Variants in SLC6A11 observed in about 807,000 individuals in gnomAD.
SLC6A11 encodes solute carrier family 6 member 11.
Under a neutral mutation model 74.8 loss-of-function variants are expected in SLC6A11, and 25 were observed. The observed-to-expected ratio is 0.33, with a 90% CI of 0.24 to 0.47. The LOEUF (loss-of-function observed/expected upper bound fraction) is 0.47, where lower values mean the gene tolerates loss of function less well. Among genes scored for constraint, SLC6A11 ranks in the 20% least tolerant of loss-of-function variants. SLC6A11 has a pLI of 1.00. For synonymous variants in SLC6A11, 330 were observed against 330.2 expected, an observed-to-expected ratio of 1.00 and a Z score of 0.01; for missense variants, 574 against 837.0, an observed-to-expected ratio of 0.69 and a Z score of 3.88.
At chr3:10,835,392 C>G (rs578238719) in intron 4 of SLC6A11, among the ~76,000 whole-genome samples, 1 of 152,184 alleles carries the variant, frequency 6.6e-6, no homozygotes, top group Non-Finnish European at 1.5e-5. Flanking sequence ...GTTATGAACC[C>G]GTGATGGATT....
At chr3:10,835,348 G>A (rs1011572287) in intron 4 of SLC6A11, among the ~76,000 whole-genome samples, 12 of 152,188 alleles carry the variant, frequency 7.9e-5, no homozygotes, top group Non-Finnish European at 1.5e-4. Flanking sequence ...TTCCCACCAC[G>A]TGGGATCCAC....
Position 10,938,295 on chromosome 3 carries a change from G to A in SLC6A11, c.1792G>A (p.Gly598Ser). ...TTPSTDLKMR[G>S]KLGVSPRMVT... is the part of the protein sequence containing the mutation. Reference sequence around the variant, plus strand: ...CCCCAGCACAGATCTGAAAATGCGGGGCAAGCTTGGGGTGAGCCCACGGAT... The same window carrying A: ...CCCCAGCACAGATCTGAAAATGCGGAGCAAGCTTGGGGTGAGCCCACGGAT... Residue 598 changes from glycine to serine, a missense_variant, in exon 14 of 14, where the codon GGC (glycine) becomes AGC (serine). Gly to Ser is a moderately conservative substitution (Grantham distance 56). Around this residue, in one of 4 missense-constraint regions of SLC6A11, gnomAD observed 257 missense variants for 341.5 expected, o/e 0.75. Coordinates refer to ENST00000254488, the MANE Select transcript of SLC6A11 (RefSeq NM_014229.3). 1.2e-6 allele frequency: 2 copies of A among 1,612,176 alleles called. No individual in the cohort carries two copies. The highest frequency in any genetic ancestry group is 1.7e-6 in the Non-Finnish European group (2 of 1,178,590).
chr3:10,891,740 A>C (rs1343643811), intron 6 of SLC6A11, among the ~76,000 whole-genome samples: 2 of 152,186 alleles, frequency 1.3e-5, no homozygotes, highest in Admixed American at 6.5e-5. Flanking sequence ...TCCAGTTGAA[A>C]CATTTGCCAC....
At chr3:10,924,835 T>C (rs115514824) in intron 8 of SLC6A11, among the ~76,000 whole-genome samples, 3,053 of 152,270 alleles carry the variant, frequency 0.02, 119 homozygotes, top group African/African-American at 0.07. Flanking sequence ...ACTGACAATA[T>C]CAAGTGTTGA....
intron 6 of SLC6A11, among the ~76,000 whole-genome samples, chr3:10,889,731 T>A (rs1340784190): frequency 6.6e-6 from 1 of 152,186 alleles, no homozygotes; most frequent in African/African-American, 2.4e-5. Flanking sequence ...CATGAAAATT[T>A]GAGGAGCACT....
chr3:10,888,991 C>G (rs953128056), intron 6 of SLC6A11, among the ~76,000 whole-genome samples: 1 of 152,160 alleles, frequency 6.6e-6, no homozygotes, highest in Non-Finnish European at 1.5e-5. Flanking sequence ...GAGTAAGACA[C>G]ATTTCCTGTT....
At position 10,816,310 on chromosome 3, in the gene SLC6A11, T is replaced by TGAGGAGGCGCGGGAGTCC. The variant is rs1694055142; in HGVS notation, c.50_67dup (p.Glu17_Glu22dup). On this transcript the variant is annotated inframe_insertion, in exon 1 of 14. Coordinates refer to ENST00000254488, the MANE Select transcript of SLC6A11 (RefSeq NM_014229.3). This position sits in a 1 kb window ranked among gnomAD's most constrained non-coding sequence, Gnocchi z 4.2. ...TGCCCCTGGGCAATGGGAAGGCTGC[T>TGAGGAGGCGCGGGAGTCC]GAGGAGGCGCGGGAGTCCGAGGCGC... The TGAGGAGGCGCGGGAGTCC allele has an allele frequency of 7.1e-7, 1 of 1,407,762 alleles. No homozygotes were observed. Among genetic ancestry groups the TGAGGAGGCGCGGGAGTCC allele is most frequent in the Non-Finnish European group, 9.2e-7 (1 of 1,083,518 alleles). 87.2% of individuals were successfully genotyped at this position (1,407,762 alleles called of 1,614,324 possible). A position where few individuals can be genotyped will look rare whatever the true frequency, so the allele number is the denominator to read the frequency against.
intron 6 of SLC6A11, among the ~76,000 whole-genome samples, chr3:10,898,838 C>A (rs1464167489): frequency 1.3e-5 from 2 of 152,074 alleles, no homozygotes; most frequent in Non-Finnish European, 2.9e-5. Context: ...TGTATTAGTC[C>A]ATTTTCACGT....
chr3:10,818,000 C>T (rs1694085828), intron 1 of SLC6A11, among the ~76,000 whole-genome samples: 1 of 151,150 alleles, frequency 6.6e-6, no homozygotes, highest in Admixed American at 6.6e-5. Context: ...AATTGTTGTG[C>T]CAAAACAAAA....
Position 10,938,545 on chromosome 3 carries a change from C to T in SLC6A11, c.*143C>T. 1.3e-6 allele frequency: 1 copy of T among 778,872 alleles called. No homozygotes were observed. Among genetic ancestry groups the T allele is most frequent in the Non-Finnish European group, 2.0e-6 (1 of 508,526 alleles). 48.2% of individuals were successfully genotyped at this position (778,872 alleles called of 1,614,324 possible). A position where few individuals can be genotyped will look rare whatever the true frequency, so the allele number is the denominator to read the frequency against. On this transcript the variant is annotated 3_prime_UTR_variant, in exon 14 of 14. Transcript: ENST00000254488. ...TAACAAGTTAATTTTAAGGTGGCCA[C>T]TGTACACTGCTCTAAAGTCATATCC...
intron 5 of SLC6A11, among the ~76,000 whole-genome samples, chr3:10,871,349 A>G (rs1202852147): frequency 6.6e-6 from 1 of 152,176 alleles, no homozygotes; most frequent in Non-Finnish European, 1.5e-5. Context: ...TTTTCCTTAA[A>G]TTTTGCAAGC....
chr3:10,932,841 T>A (rs1294125643), intron 10 of SLC6A11, among the ~76,000 whole-genome samples: 1 of 152,092 alleles, frequency 6.6e-6, no homozygotes, highest in African/African-American at 2.4e-5. Flanking sequence ...GTTATACCCA[T>A]CCAGGGAGAG....
At chr3:10,867,131 T>A (rs1015622603) in intron 5 of SLC6A11, among the ~76,000 whole-genome samples, 5 of 152,312 alleles carry the variant, frequency 3.3e-5, no homozygotes, top group African/African-American at 1.2e-4. Flanking sequence ...TGGAAGGGGA[T>A]GCAGGGGAGA....
At chr3:10,905,121 T>C (rs1338320638) in intron 6 of SLC6A11, among the ~76,000 whole-genome samples, 1 of 152,228 alleles carries the variant, frequency 6.6e-6, no homozygotes, top group Non-Finnish European at 1.5e-5. Context: ...TTGTCTGTGC[T>C]TGTGGAATTT....
intron 4 of SLC6A11, chr3:10,823,742 C>T (rs1694167889): frequency 8.9e-6 from 2 of 223,880 alleles, no homozygotes; most frequent in Non-Finnish European, 1.8e-5. Context: ...GTGTATTTAG[C>T]CTGGAAAGCA....
At chr3:10,929,429 C>G in intron 10 of SLC6A11, 90 bp downstream of exon 10, 1 of 1,431,894 alleles carries the variant, frequency 7.0e-7, no homozygotes, top group Non-Finnish European at 9.7e-7. Flanking sequence ...TGACCCGGGT[C>G]AGGTCTAGTG....
rs1187509029 is a variant in SLC6A11 at position 10,875,035 on chromosome 3, G to A, written c.831G>A (p.Gly277=). 1 of 1,613,408 alleles carries A rather than the reference G, an allele frequency of 6.2e-7. No homozygotes were observed. The highest frequency in any genetic ancestry group is 8.5e-7 in the Non-Finnish European group (1 of 1,179,644). ...TGATACGAGGGGTCACGTTGCCCGGGGCCTCAGAGGGCATCAAGTTCTACT... is the reference window on the plus strand; with the variant it reads ...TGATACGAGGGGTCACGTTGCCCGGAGCCTCAGAGGGCATCAAGTTCTACT... The part of the protein sequence containing the change: ...ILLIRGVTLP[G]ASEGIKFYLY... The change falls in exon 6 of 14, where the codon GGG becomes GGA. Residue 277 remains glycine (G), a synonymous_variant. Transcript: ENST00000254488.
rs1056385959 is a variant in SLC6A11, at chr3:10,936,455, G to T, written c.1746+1256G>T. Among the ~76,000 whole-genome samples, 10 of 152,214 alleles carry T rather than the reference G, an allele frequency of 6.6e-5. 1 individual carries two copies. The highest frequency in any genetic ancestry group is 5.9e-4 in the Admixed American group (9 of 15,286). The stretch of plus-strand genomic sequence containing the variant: ...GGAGTTGAACTTGGCCACCCAGGAG[G>T]CGATGGGGAGTGGGGGTATGCAGAG... On this transcript the variant is annotated intron_variant, in intron 13 of 13. Coordinates refer to ENST00000254488, the MANE Select transcript of SLC6A11 (RefSeq NM_014229.3).
intron 6 of SLC6A11, among the ~76,000 whole-genome samples, chr3:10,907,298 T>G (rs531348454): frequency 6.6e-5 from 10 of 151,534 alleles, no homozygotes; most frequent in Non-Finnish European, 1.0e-4. Flanking sequence ...ATGGATGATA[T>G]GACAAAGCAA....
Sources: gnomAD v4.1 joint callset for allele counts (sites outside exome capture counted in the v4.1 genomes callset) on GRCh38, gnomAD v4.1.1 for gene constraint, gnomAD v4.1.1 regional missense constraint, Gnocchi (gnomAD v3.1) non-coding constraint, MANE v1.5 for transcripts, NCBI Gene and HGNC (gene_info 2026-07-23, HGNC 2026-07-21) for gene names.